SESTD1: variants seen among roughly 807,000 people sequenced by gnomAD.
SESTD1 encodes the protein SEC14 and spectrin domain containing 1, also known as SEC14 domain and spectrin repeat-containing protein 1.
Under a neutral mutation model 101.7 loss-of-function variants are expected in SESTD1, and 43 were observed. The observed-to-expected ratio is 0.42, with a 90% CI of 0.33 to 0.55. SESTD1 has a LOEUF of 0.55. Ranked by LOEUF, SESTD1 falls within the 20% of genes least tolerant of loss-of-function variation. The pLI is 0.07. For missense variants in SESTD1, 647 were observed against 815.1 expected (o/e 0.79, Z 2.51); for synonymous variants, 283 against 286.8 (o/e 0.99, Z 0.13).
chr2:179,244,345 G>C (rs780217526), intron 1 of SESTD1, among the ~76,000 whole-genome samples: 3 of 151,864 alleles, frequency 2.0e-5, no homozygotes, highest in Non-Finnish European at 4.4e-5. Context: ...TGTAGTCCTA[G>C]CTACTCGGGA....
Position 179,116,659 on chromosome 2 carries a change from GT to G in SESTD1, c.1647+8del, listed in dbSNP as rs2044639781. On this transcript the variant is annotated splice_region_variant and intron_variant, in intron 15 of 17. Transcript: ENST00000428443. Reference sequence around the variant, plus strand: ...AGCTTGTGGAAAAGGAAGATAACCAGTTTTGCACCTGTGCAACATCAACAAA... The same window carrying G: ...AGCTTGTGGAAAAGGAAGATAACCAGTTTGCACCTGTGCAACATCAACAAA... The G allele has an allele frequency of 1.6e-5, 26 of 1,613,930 alleles. No homozygotes were observed. The East Asian group carries it at 5.8e-4, about 36-fold the overall frequency.
chr2:179,141,265 G>T (rs543363093), intron 9 of SESTD1, among the ~76,000 whole-genome samples: 1 of 152,082 alleles, frequency 6.6e-6, no homozygotes, highest in Non-Finnish European at 1.5e-5. Flanking sequence ...TTCCCTAGGT[G>T]GGCAACACCA....
rs1469616339 is a variant in SESTD1, at chr2:179,143,937, A to T, written c.638-134T>A. Reference sequence around the variant, plus strand: ...ATCTACCAGGTTATAAATGGAATTTAAAAATGTATGTATCACAATAAGTAG... The same window carrying T: ...ATCTACCAGGTTATAAATGGAATTTTAAAATGTATGTATCACAATAAGTAG... On this transcript the variant is annotated intron_variant, in intron 8 of 17. Coordinates refer to ENST00000428443, the MANE Select transcript of SESTD1 (RefSeq NM_178123.5). The T allele has an allele frequency of 3.5e-6, 3 of 856,398 alleles. No individual in the cohort carries two copies. The East Asian group carries it at 8.0e-5, about 23-fold the overall frequency. The allele number at this position is 856,398 out of a possible 1,614,324, so 53.0% of individuals were successfully genotyped here.
At chr2:179,118,445 A>G (rs1439509287) in intron 13 of SESTD1, among the ~76,000 whole-genome samples, 1 of 152,202 alleles carries the variant, frequency 6.6e-6, no homozygotes. Context: ...GGGGACTCCC[A>G]CTGCAGTCTC....
At chr2:179,250,825 T>G (rs1244673111) in intron 1 of SESTD1, among the ~76,000 whole-genome samples, 1 of 152,210 alleles carries the variant, frequency 6.6e-6, no homozygotes, top group African/African-American at 2.4e-5. Flanking sequence ...AGTGGCAATT[T>G]AAAATATTAA....
rs1182165062 is a variant in SESTD1, at chr2:179,167,681, A to G, written c.369+4439T>C. Among the ~76,000 whole-genome samples the G allele has an allele frequency of 3.9e-5, 6 of 152,212 alleles. No individual in the cohort carries two copies. In the East Asian group the frequency reaches 9.6e-4, roughly 24 times the overall value. The stretch of plus-strand genomic sequence containing the variant: ...CATACACAGAGGACCAAAGATATAA[A>G]TAACAGCGGCCTTCTTGTCAGTGAC... On this transcript the variant is annotated intron_variant, in intron 5 of 17. Transcript: ENST00000428443.
intron 1 of SESTD1, among the ~76,000 whole-genome samples, chr2:179,204,647 C>T (rs2046567284): frequency 7.4e-6 from 1 of 135,096 alleles, no homozygotes; most frequent in East Asian, 2.0e-4. Flanking sequence ...TTAATTTTGC[C>T]TCAGCTTCTT....
chr2:179,235,303 A>G (rs1445247517), intron 1 of SESTD1, among the ~76,000 whole-genome samples: 1 of 152,244 alleles, frequency 6.6e-6, no homozygotes, highest in African/African-American at 2.4e-5. Flanking sequence ...AATGGTTCAG[A>G]AACAAATACT....
intron 1 of SESTD1, among the ~76,000 whole-genome samples, chr2:179,252,274 T>C (rs2047329552): frequency 6.6e-6 from 1 of 152,254 alleles, no homozygotes; most frequent in African/African-American, 2.4e-5. Flanking sequence ...ATTTTGAAAG[T>C]AAATGGGATA....
At chr2:179,245,889 C>T (rs1439014087) in intron 1 of SESTD1, among the ~76,000 whole-genome samples, 2 of 152,112 alleles carry the variant, frequency 1.3e-5, no homozygotes, top group Admixed American at 1.3e-4. Context: ...ACTAATTGCT[C>T]CCTACAAGAA....
chr2:179,181,017 G>C (rs745862805), intron 3 of SESTD1, among the ~76,000 whole-genome samples: 4 of 152,192 alleles, frequency 2.6e-5, no homozygotes, highest in Non-Finnish European at 4.4e-5. Flanking sequence ...TTGCTAGAAT[G>C]AGTTCTTTCA....
At chr2:179,259,870 CA>C (rs2047457816) in intron 1 of SESTD1, among the ~76,000 whole-genome samples, 2 of 152,216 alleles carry the variant, frequency 1.3e-5, no homozygotes, top group African/African-American at 4.8e-5. Context: ...CAAGTGACAA[CA>C]CAAGATTCAT....
chr2:179,246,294 T>C (rs1435692547), intron 1 of SESTD1, among the ~76,000 whole-genome samples: 2 of 144,640 alleles, frequency 1.4e-5, no homozygotes, highest in African/African-American at 5.1e-5. Context: ...CAAAGAAAAG[T>C]GAGAATGGCT....
chr2:179,230,403 T>C lies in SESTD1; in HGVS notation c.-26+34096A>G, dbSNP rs2046969754. Among the ~76,000 whole-genome samples, 3 of 152,086 alleles carry C rather than the reference T, an allele frequency of 2.0e-5. No homozygotes were observed. The South Asian group carries it at 6.2e-4, about 32-fold the overall frequency. ...TGCCCACCTCAGCCTCCCAAAGTTC[T>C]GGCATTACAGACATGAGCCACTGCA... is the stretch of plus-strand genomic sequence containing the variant. On this transcript the variant is annotated intron_variant, in intron 1 of 17. Coordinates refer to ENST00000428443, the MANE Select transcript of SESTD1 (RefSeq NM_178123.5).
intron 2 of SESTD1, 65 bp from the exon 3 acceptor site, chr2:179,183,253 A>G (rs2046149898): frequency 3.1e-6 from 3 of 962,364 alleles, no homozygotes; most frequent in Non-Finnish European, 4.6e-6. Context: ...AATAATATAC[A>G]TTTGAATCCA....
chr2:179,211,912 T>C (rs1448934149), intron 1 of SESTD1, among the ~76,000 whole-genome samples: 1 of 133,824 alleles, frequency 7.5e-6, no homozygotes, highest in Non-Finnish European at 1.6e-5. Flanking sequence ...TGAGTGCACA[T>C]TGATCAAGTG....
chr2:179,198,325 A>C (rs1276066332), intron 1 of SESTD1, among the ~76,000 whole-genome samples: 1 of 152,182 alleles, frequency 6.6e-6, no homozygotes, highest in African/African-American at 2.4e-5. Context: ...GTGACCTACA[A>C]AGAGACTTAG....
rs1353242037 is a variant in SESTD1 at position 179,108,802 on chromosome 2, G to A, written c.*1097C>T. 1 of 151,992 alleles carries A rather than the reference G, an allele frequency of 6.6e-6. No homozygotes were observed. The highest frequency in any genetic ancestry group is 1.5e-5 in the Non-Finnish European group (1 of 67,986). 9.4% of individuals were successfully genotyped at this position (151,992 alleles called of 1,614,324 possible). On this transcript the variant is annotated 3_prime_UTR_variant, in exon 18 of 18. Coordinates refer to ENST00000428443, the MANE Select transcript of SESTD1 (RefSeq NM_178123.5). ...ACTTAATACAAACTTAAAAGAACTA[G>A]CATTTCATGATAAATTTTATTTCTA...
intron 5 of SESTD1, among the ~76,000 whole-genome samples, chr2:179,161,912 C>T (rs1221463115): frequency 6.6e-6 from 1 of 152,118 alleles, no homozygotes. Flanking sequence ...CATCACACTG[C>T]ATACTATGTT....
Sources: allele counts gnomAD v4.1 joint callset (sites outside exome capture counted in the v4.1 genomes callset), GRCh38; gene constraint gnomAD v4.1.1; transcripts MANE v1.5; gene names NCBI Gene and HGNC (gene_info 2026-07-23, HGNC 2026-07-21).